MED15: variants seen among roughly 807,000 people sequenced by gnomAD.
MED15 encodes mediator of RNA polymerase II transcription subunit 15.
In MED15, 41 loss-of-function variants were observed where a neutral mutation model predicts 118.7. The ratio of observed to expected loss-of-function variants is 0.35; its 90% CI spans 0.27 to 0.45. The LOEUF is 0.45. Ranked by LOEUF, MED15 falls within the 20% of genes least tolerant of loss-of-function variation. The pLI is 1.00. For missense variants in MED15, 740 were observed against 1,025.5 expected, an observed-to-expected ratio of 0.72 and a Z score of 3.80; for synonymous variants, 436 against 413.9, an observed-to-expected ratio of 1.05 and a Z score of -0.65.
rs750714314 is a variant in MED15 at position 20,555,014 on chromosome 22, C to T, written c.317C>T (p.Pro106Leu). ...GGAATTGGCATGCCTCCTCGGGGCC[C>T]GGGACAGTCTCTGGGCGGGATGGGT... Reference protein sequence around the residue: ...AAGIGMPPRGPGQSLGGMGSL... With the variant: ...AAGIGMPPRGLGQSLGGMGSL... The change falls in exon 5 of 18, where the codon CCG (proline) becomes CTG (leucine). Residue 106 changes from proline to leucine, a missense_variant. By Grantham distance (98) the Pro-to-Leu change is moderately conservative (BLOSUM62 -3). Around this residue, in one of 7 missense-constraint regions of MED15, gnomAD observed 117 missense variants for 124.6 expected, o/e 0.94. Transcript: ENST00000263205. 40 of 1,612,208 alleles carry T rather than the reference C, an allele frequency of 2.5e-5. No individual in the cohort carries two copies. Among genetic ancestry groups the T allele is most frequent in the Non-Finnish European group, 3.2e-5 (38 of 1,180,014 alleles).
In MED15 at chr22:20,583,044, G is replaced by A. The variant is rs1237301688; in HGVS notation, c.1538-69G>A. On this transcript the variant is annotated intron_variant, in intron 11 of 17. Transcript: ENST00000263205. ...GCTCATACTGGGTGTGCGAGCTCTG[G>A]GGCCCTCAGAGCTCAAGTTCCCCAC... 4 of 1,566,064 alleles carry A rather than the reference G, an allele frequency of 2.6e-6. No individual in the cohort carries two copies. The South Asian group carries it at 4.7e-5, about 18-fold the overall frequency.
chr22:20,511,519 G>A (rs2054063868), intron 1 of MED15, among the ~76,000 whole-genome samples: 1 of 151,570 alleles, frequency 6.6e-6, no homozygotes, highest in South Asian at 2.1e-4. Flanking sequence ...AGCATTCTGA[G>A]TTTTGACAGA....
chr22:20,580,597 G>C (rs186229530), intron 9 of MED15, among the ~76,000 whole-genome samples: 12 of 152,268 alleles, frequency 7.9e-5, no homozygotes, highest in African/African-American at 2.9e-4. Flanking sequence ...AAAAGGCAGA[G>C]TTGGGCTGAG....
chr22:20,585,566 G>C, intron 16 of MED15, 162 bp from the exon 17 acceptor site: 1 of 733,848 alleles, frequency 1.4e-6, no homozygotes, highest in Non-Finnish European at 2.3e-6. Context: ...AGCACTCCAG[G>C]CTTCACGTTT....
In MED15 at chr22:20,575,779, C is replaced by A. The variant is rs573010288; in HGVS notation, c.1272+547C>A. Reference sequence around the variant, plus strand: ...ATATATTTTAAAAACAAAAAAAAAACCTAAAAGTCAACTAAAATTAAATAA... The same window carrying A: ...ATATATTTTAAAAACAAAAAAAAAAACTAAAAGTCAACTAAAATTAAATAA... On this transcript the variant is annotated intron_variant, in intron 9 of 17. Coordinates refer to ENST00000263205, the MANE Select transcript of MED15 (RefSeq NM_001003891.3). Among the ~76,000 whole-genome samples the A allele has an allele frequency of 1.5e-4, 23 of 149,764 alleles. 1 individual carries two copies. Among genetic ancestry groups the A allele is most frequent in the East Asian group, 5.9e-4 (3 of 5,106 alleles).
chr22:20,554,655 T>G, intron 4 of MED15: 2 of 292,070 alleles, frequency 6.8e-6, no homozygotes, highest in Non-Finnish European at 6.3e-6. Flanking sequence ...CAGCCCATCT[T>G]TAGTGTATCT....
intron 1 of MED15, among the ~76,000 whole-genome samples, chr22:20,527,622 C>T (rs1458100450): frequency 2.0e-5 from 3 of 151,692 alleles, no homozygotes; most frequent in Admixed American, 1.3e-4. Context: ...TTTTGTTTTT[C>T]GTAGAGATGG....
rs767501328 is a variant in MED15 at position 20,586,519 on chromosome 22, C to T, written c.2231-49C>T. On this transcript the variant is annotated intron_variant, in intron 17 of 17. Transcript: ENST00000263205. ...AGAGCACTGCCGGGTGTGCCAGGAG[C>T]GAGCGCAGCGCCGGCCGCCTTAGGT... 24 of 1,593,260 alleles carry T rather than the reference C, an allele frequency of 1.5e-5. No individual in the cohort carries two copies. In the East Asian group the frequency reaches 2.5e-4, roughly 16 times the overall value.
chr22:20,540,492 T>G (rs1285967241), intron 2 of MED15, among the ~76,000 whole-genome samples: 1 of 152,122 alleles, frequency 6.6e-6, no homozygotes, highest in Non-Finnish European at 1.5e-5. Context: ...GAGGGTCACT[T>G]GATCCCAGGA....
In MED15 at chr22:20,564,526, G is replaced by A. The variant is rs763001192; in HGVS notation, c.528G>A (p.Ala176=). The part of the protein sequence containing the change: ...QQQFQQQQQA[A]LQQQQQQQQQ... The stretch of plus-strand genomic sequence containing the variant: ...AGTTCCAGCAGCAGCAGCAGGCGGC[G>A]CTACAGCAGCAGCAGCAGCAGCAGC... The change falls in exon 6 of 18, where the codon GCG becomes GCA. Residue 176 remains alanine (A), a synonymous_variant. Transcript: ENST00000263205. 8.7e-6 allele frequency: 14 copies of A among 1,605,156 alleles called. No individual in the cohort carries two copies. The highest frequency in any genetic ancestry group is 1.7e-4 in the Middle Eastern group (1 of 5,920).
intron 1 of MED15, among the ~76,000 whole-genome samples, chr22:20,521,728 T>TTATTTATG (rs2054470197): frequency 7.7e-6 from 1 of 130,032 alleles, no homozygotes; most frequent in African/African-American, 2.7e-5. Context: ...ATTTATTTAT[T>TTATTTATG]TATTTATGTA....
At chr22:20,559,326 G>A (rs922682963) in intron 5 of MED15, among the ~76,000 whole-genome samples, 17 of 152,292 alleles carry the variant, frequency 1.1e-4, no homozygotes, top group Admixed American at 9.2e-4. Context: ...AGATACAGCT[G>A]AAGAAAGAAT....
At chr22:20,518,926 C>T (rs901665696) in intron 1 of MED15, 1 of 448,766 alleles carries the variant, frequency 2.2e-6, no homozygotes, top group Non-Finnish European at 4.5e-6. Flanking sequence ...GATTGTGGCT[C>T]ACTGCAACCT....
chr22:20,540,978 C>T (rs1298808621), intron 2 of MED15, among the ~76,000 whole-genome samples: 1 of 152,148 alleles, frequency 6.6e-6, no homozygotes, highest in Non-Finnish European at 1.5e-5. Context: ...CCTGTAATCC[C>T]AGCACTTTGG....
rs2056451553 is a variant in MED15 at position 20,566,620 on chromosome 22, C to G, written c.844C>G (p.Pro282Ala). The G allele has an allele frequency of 1.2e-5, 19 of 1,614,100 alleles. No homozygotes were observed. Among genetic ancestry groups the G allele is most frequent in the Non-Finnish European group, 1.6e-5 (19 of 1,179,974 alleles). ...ACCGATGCAGCAGCCACAGCCTCCG[C>G]CCTCCCAGGCTCTGCCCCAGCAGCT... ...QPPMQQPQPP[P>A]SQALPQQLQQ... The change falls in exon 7 of 18, where the codon CCC (proline) becomes GCC (alanine). Residue 282 changes from proline (P) to alanine (A), a missense_variant. Around this residue, in one of 7 missense-constraint regions of MED15, gnomAD observed 384 missense variants for 506.3 expected, o/e 0.76. Transcript: ENST00000263205.
chr22:20,575,076 T>G (rs1162642362), intron 8 of MED15, 37 bp from the exon 9 acceptor site: 1 of 1,611,380 alleles, frequency 6.2e-7, no homozygotes, highest in South Asian at 1.1e-5. Context: ...GTTTCTTTGT[T>G]GCGATCACCT....
Position 20,585,739 on chromosome 22 carries a change from C to T in MED15, c.2143C>T (p.Leu715Phe). 2 of 1,613,292 alleles carry T rather than the reference C, an allele frequency of 1.2e-6. No homozygotes were observed. The highest frequency in any genetic ancestry group is 2.2e-5 in the East Asian group (1 of 44,888). Residue 715 changes from leucine to phenylalanine, a missense_variant, in exon 17 of 18, where the codon CTC (leucine) becomes TTC (phenylalanine). Transcript: ENST00000263205. Reference protein sequence around the residue: ...HLICKLDDKDLPSVPPLELSV... With the variant: ...HLICKLDDKDFPSVPPLELSV... ...CTTCTGTGTTGCAGATGACAAGGAC[C>T]TCCCAAGTGTGCCACCACTGGAGCT...
At position 20,567,784 on chromosome 22, in the gene MED15, G is replaced by A. The variant is rs144626323; in HGVS notation, c.1042-737G>A. Reference sequence around the variant, plus strand: ...GGAAGAGCCCCCTGCATGGTGGCGCGGGCCTGTCTCGTCCTTCTGGAGGCC... The same window carrying A: ...GGAAGAGCCCCCTGCATGGTGGCGCAGGCCTGTCTCGTCCTTCTGGAGGCC... On this transcript the variant is annotated intron_variant, in intron 7 of 17. Coordinates refer to ENST00000263205, the MANE Select transcript of MED15 (RefSeq NM_001003891.3). 3.9e-3 allele frequency among the ~76,000 whole-genome samples: 592 copies of A among 152,282 alleles called. 5 individuals carry two copies. Among genetic ancestry groups the A allele is most frequent in the African/African-American group, 0.013 (551 of 41,540 alleles).
At chr22:20,559,968 A>T (rs367919010) in intron 5 of MED15, among the ~76,000 whole-genome samples, 2 of 152,192 alleles carry the variant, frequency 1.3e-5, no homozygotes, top group African/African-American at 2.4e-5. Flanking sequence ...AGTGATTCTC[A>T]CCCAGGGTGA....
Sources: gnomAD v4.1 joint callset for allele counts (sites outside exome capture counted in the v4.1 genomes callset) on GRCh38, gnomAD v4.1.1 for gene constraint, gnomAD v4.1.1 regional missense constraint, MANE v1.5 for transcripts, NCBI Gene and HGNC (gene_info 2026-07-23, HGNC 2026-07-21) for gene names.